The following GPC6 variants were observed in gnomAD, a reference collection of about 807,000 sequenced individuals.
GPC6 encodes the protein glypican 6.
GPC6 carries 14 observed loss-of-function variants against 55.2 expected under a neutral mutation model. The observed-to-expected ratio is 0.25, with a 90% confidence interval of 0.17 to 0.40. GPC6 has a LOEUF of 0.40. Ranked by LOEUF, GPC6 falls within the 10% of genes least tolerant of loss-of-function variation. GPC6 has a pLI of 1.00. For synonymous variants in GPC6, 278 were observed against 259.6 expected (o/e 1.07, Z -0.68); for missense variants, 641 against 708.5 (o/e 0.90, Z 1.08).
At chr13:93,778,105 A>G (rs1016054416) in intron 2 of GPC6, among the ~76,000 whole-genome samples, 1 of 152,134 alleles carries the variant, frequency 6.6e-6, no homozygotes, top group Non-Finnish European at 1.5e-5. Flanking sequence ...TGTCAATGGG[A>G]TTACAGCCTG....
Position 93,703,936 on chromosome 13 carries a change from T to A in GPC6, c.320-126218T>A, listed in dbSNP as rs932516923. ...GACTTACCTTGGCATGAGAGCTGGC[T>A]TTGTAATGATGATAGAGCACAATTT... On this transcript the variant is annotated intron_variant, in intron 2 of 8. Transcript: ENST00000377047. 5.3e-5 allele frequency among the ~76,000 whole-genome samples: 8 copies of A among 152,150 alleles called. No individual in the cohort carries two copies. In the East Asian group the frequency reaches 1.6e-3, roughly 29 times the overall value.
At chr13:94,337,117 G>T (rs1030384218) in intron 6 of GPC6, among the ~76,000 whole-genome samples, 7 of 152,160 alleles carry the variant, frequency 4.6e-5, no homozygotes, top group African/African-American at 1.7e-4. Flanking sequence ...CATCCCCTGA[G>T]CCTTTGAACC....
chr13:93,898,966 T>TATATATATATATATATATATAC (rs1251225383), intron 3 of GPC6, among the ~76,000 whole-genome samples: 1 of 137,092 alleles, frequency 7.3e-6, no homozygotes, highest in African/African-American at 2.7e-5. Flanking sequence ...TATATATATA[T>TATATATATATATATATATATAC]ACACACACAT....
chr13:93,381,862 T>C (rs934773717), intron 1 of GPC6, among the ~76,000 whole-genome samples: 2 of 152,138 alleles, frequency 1.3e-5, no homozygotes, highest in Non-Finnish European at 1.5e-5. Flanking sequence ...TAATGACACA[T>C]ACATGTTGTT....
rs1340068280 is a variant in GPC6 at position 94,322,790 on chromosome 13, CG to C, written c.1152+16669del. Among the ~76,000 whole-genome samples, 7 of 152,150 alleles carry C rather than the reference CG, an allele frequency of 4.6e-5. No homozygotes were observed. In the East Asian group the frequency reaches 1.4e-3, roughly 29 times the overall value. ...CACAAAAGCAGCAGGGTTGGTCACA[CG>C]GTGCGGTTCTGCTGTGGGTTGCAGA... On this transcript the variant is annotated intron_variant, in intron 6 of 8. Coordinates refer to ENST00000377047, the MANE Select transcript of GPC6 (RefSeq NM_005708.5).
At chr13:93,602,840 A>G (rs1219201973) in intron 2 of GPC6, among the ~76,000 whole-genome samples, 1 of 152,226 alleles carries the variant, frequency 6.6e-6, no homozygotes, top group Admixed American at 6.5e-5. Flanking sequence ...GAAAGAAAAT[A>G]TACATTTTCG....
intron 2 of GPC6, among the ~76,000 whole-genome samples, chr13:93,782,493 T>A (rs1308430715): frequency 6.6e-6 from 1 of 152,200 alleles, no homozygotes; most frequent in African/African-American, 2.4e-5. Context: ...TTTTTGAGTT[T>A]TTGAAAAACC....
At chr13:93,542,080 A>C (rs980637935) in intron 1 of GPC6, among the ~76,000 whole-genome samples, 1 of 152,198 alleles carries the variant, frequency 6.6e-6, no homozygotes, top group Admixed American at 6.5e-5. Context: ...TTGGTGTTTT[A>C]GACATGAAGT....
intron 6 of GPC6, among the ~76,000 whole-genome samples, chr13:94,350,639 A>G (rs1300321590): frequency 4.6e-5 from 7 of 152,202 alleles, no homozygotes; most frequent in Non-Finnish European, 1.0e-4. Flanking sequence ...TATATATAAT[A>G]TGATACTCAT....
At chr13:94,064,618 T>C (rs183224862) in intron 4 of GPC6, among the ~76,000 whole-genome samples, 46 of 152,190 alleles carry the variant, frequency 3.0e-4, no homozygotes, top group African/African-American at 1.0e-3. Flanking sequence ...TAAAGCAAAG[T>C]CCCCAAAGCC....
intron 4 of GPC6, among the ~76,000 whole-genome samples, chr13:94,084,919 T>C (rs1054091282): frequency 6.6e-6 from 1 of 152,030 alleles, no homozygotes; most frequent in East Asian, 1.9e-4. Context: ...GTGAGGAGAA[T>C]GGTTTGGCCC....
intron 6 of GPC6, among the ~76,000 whole-genome samples, chr13:94,358,135 CA>C (rs1566715767): frequency 6.6e-6 from 1 of 151,780 alleles, no homozygotes; most frequent in Non-Finnish European, 1.5e-5. Flanking sequence ...ACTAAAAATA[CA>C]AAAATTAGCC....
intron 4 of GPC6, among the ~76,000 whole-genome samples, chr13:94,178,216 C>T: frequency 6.6e-6 from 1 of 152,030 alleles, no homozygotes; most frequent in South Asian, 2.1e-4. Context: ...CCAGGTTGCT[C>T]TTGAACTCCT....
At chr13:93,674,480 T>G (rs996025280) in intron 2 of GPC6, among the ~76,000 whole-genome samples, 4 of 152,220 alleles carry the variant, frequency 2.6e-5, no homozygotes, top group Admixed American at 6.5e-5. Context: ...CTTGTGCTTA[T>G]TAACTACAGA....
chr13:93,971,752 A>G (rs758664670), intron 3 of GPC6, among the ~76,000 whole-genome samples: 1 of 152,208 alleles, frequency 6.6e-6, no homozygotes, highest in Non-Finnish European at 1.5e-5. Context: ...CCTTAGTGAC[A>G]GGATTGCAGA....
At chr13:94,185,621 C>T (rs572908848) in intron 4 of GPC6, among the ~76,000 whole-genome samples, 52 of 151,672 alleles carry the variant, frequency 3.4e-4, no homozygotes, top group Non-Finnish European at 6.8e-4. Context: ...AAGATACCAT[C>T]AATGTAAAAA....
intron 2 of GPC6, among the ~76,000 whole-genome samples, chr13:93,738,936 T>TACACACACACACACAC (rs56928879): frequency 5.5e-5 from 8 of 145,466 alleles, no homozygotes; most frequent in African/African-American, 1.8e-4. Context: ...CACTTGGTTT[T>TACACACACACACACAC]ACACACACAC....
chr13:94,250,057 G>A (rs1458552699), intron 4 of GPC6, among the ~76,000 whole-genome samples: 2 of 152,112 alleles, frequency 1.3e-5, no homozygotes, highest in African/African-American at 2.4e-5. Flanking sequence ...TCAATAAGTC[G>A]ACAAGCCTTT....
chr13:93,423,151 G>A (rs1354715270), intron 1 of GPC6, among the ~76,000 whole-genome samples: 1 of 152,142 alleles, frequency 6.6e-6, no homozygotes, highest in Admixed American at 6.6e-5. Flanking sequence ...TGCCTCATAT[G>A]ATTCTGTTAA....
Sources: gnomAD v4.1 joint callset for allele counts (sites outside exome capture counted in the v4.1 genomes callset) on GRCh38, gnomAD v4.1.1 for gene constraint, MANE v1.5 for transcripts, NCBI Gene and HGNC (gene_info 2026-07-23, HGNC 2026-07-21) for gene names.